Variants in ATP8A1 observed in about 807,000 individuals in gnomAD.
ATP8A1 encodes phospholipid-transporting ATPase IA.
ATP8A1 carries 90 observed loss-of-function variants against 177.7 expected under a neutral mutation model. The ratio of observed to expected loss-of-function variants is 0.51; its 90% CI spans 0.43 to 0.60. The LOEUF is 0.60. Ranked by LOEUF, ATP8A1 falls within the 20% of genes least tolerant of loss-of-function variation. The probability of loss-of-function intolerance (pLI) is 0.00; values close to 1 mark genes in which losing one functional copy is unlikely to be tolerated. For missense variants in ATP8A1, 1,072 were observed against 1,392.8 expected, an observed-to-expected ratio of 0.77 and a Z score of 3.67; for synonymous variants, 493 against 485.9, an observed-to-expected ratio of 1.01 and a Z score of -0.19.
intron 1 of ATP8A1, among the ~76,000 whole-genome samples, chr4:42,631,284 C>A (rs1038550540): frequency 1.6e-4 from 24 of 152,194 alleles, no homozygotes; most frequent in Non-Finnish European, 3.2e-4. Flanking sequence ...TAGTAATATA[C>A]TAGAAACAGA....
intron 1 of ATP8A1, among the ~76,000 whole-genome samples, chr4:42,645,034 G>A (rs957935860): frequency 5.9e-5 from 9 of 151,954 alleles, no homozygotes; most frequent in African/African-American, 2.2e-4. Flanking sequence ...AAAGCAAGCA[G>A]GTTACCAAAA....
chr4:42,448,401 C>CTTTTTTTTTTTTTTTTTTTTTTTTTTTTT (rs1226963744), intron 30 of ATP8A1, among the ~76,000 whole-genome samples: 1 of 99,558 alleles, frequency 1.0e-5, no homozygotes, highest in African/African-American at 3.5e-5. Context: ...TCTTTCTTTT[C>CTTTTTTTTTTTTTTTTTTTTTTTTTTTTT]TTTTTTTTTT....
chr4:42,582,584 C>T (rs1247609140), intron 9 of ATP8A1, among the ~76,000 whole-genome samples: 1 of 145,568 alleles, frequency 6.9e-6, no homozygotes, highest in African/African-American at 2.5e-5. Context: ...GATAAATACA[C>T]AGATCTCACC....
intron 10 of ATP8A1, among the ~76,000 whole-genome samples, chr4:42,580,680 T>C (rs1036862000): frequency 6.6e-6 from 1 of 152,190 alleles, no homozygotes; most frequent in Non-Finnish European, 1.5e-5. Context: ...GCTTGCCTAT[T>C]GATAATACCT....
At chr4:42,488,975 G>A (rs560100295) in intron 24 of ATP8A1, among the ~76,000 whole-genome samples, 14 of 152,202 alleles carry the variant, frequency 9.2e-5, no homozygotes, top group East Asian at 1.9e-4. Flanking sequence ...ATTTCATCCC[G>A]TTGGCAATGC....
chr4:42,570,753 T>A (rs1731823717), intron 14 of ATP8A1, among the ~76,000 whole-genome samples: 1 of 152,224 alleles, frequency 6.6e-6, no homozygotes, highest in Non-Finnish European at 1.5e-5. Context: ...TTTGCCTTTG[T>A]ATGTGCCAGT....
chr4:42,489,432 G>C (rs1008297409), intron 24 of ATP8A1, among the ~76,000 whole-genome samples: 1 of 152,114 alleles, frequency 6.6e-6, no homozygotes, highest in African/African-American at 2.4e-5. Context: ...GGTTTTGTTG[G>C]TGACTATCAC....
intron 33 of ATP8A1, among the ~76,000 whole-genome samples, chr4:42,434,044 T>A (rs148045714): frequency 4.1e-4 from 62 of 152,264 alleles, no homozygotes; most frequent in African/African-American, 1.3e-3. Flanking sequence ...AAATGTGCAG[T>A]TCTGAAACTA....
In ATP8A1 at chr4:42,636,156, A is replaced by ACGCGCGCGCGTGCGCGCGCG. The variant is rs1553920759; in HGVS notation, c.50-9048_50-9047insCGCGCGCGCACGCGCGCGCG. Among the ~76,000 whole-genome samples the ACGCGCGCGCGTGCGCGCGCG allele has an allele frequency of 1.9e-3, 169 of 90,954 alleles. 3 individuals carry two copies. Among genetic ancestry groups the ACGCGCGCGCGTGCGCGCGCG allele is most frequent in the Non-Finnish European group, 3.4e-3 (127 of 37,834 alleles). The allele number at this position is 90,954 out of a possible 152,430, so 59.7% of individuals were successfully genotyped here. A position where few individuals can be genotyped will look rare whatever the true frequency, so the allele number is the denominator to read the frequency against. On this transcript the variant is annotated intron_variant, in intron 1 of 36. Coordinates refer to ENST00000381668, the MANE Select transcript of ATP8A1 (RefSeq NM_006095.2). ...CACACACACACACACACACACACAC[A>ACGCGCGCGCGTGCGCGCGCG]CGCACACACACACACATAAGCTTCT...
At chr4:42,522,547 G>A (rs943622332) in intron 21 of ATP8A1, among the ~76,000 whole-genome samples, 2 of 152,098 alleles carry the variant, frequency 1.3e-5, no homozygotes, top group Non-Finnish European at 2.9e-5. Flanking sequence ...ATAGTGTGGC[G>A]TTTCTAAAAT....
At chr4:42,635,497 C>T (rs1296882924) in intron 1 of ATP8A1, among the ~76,000 whole-genome samples, 1 of 151,716 alleles carries the variant, frequency 6.6e-6, no homozygotes, top group East Asian at 1.9e-4. Context: ...AGCAGTCATG[C>T]TTGCAACAGT....
At chr4:42,437,608 G>A (rs566118444) in intron 33 of ATP8A1, among the ~76,000 whole-genome samples, 4 of 152,048 alleles carry the variant, frequency 2.6e-5, no homozygotes, top group South Asian at 4.2e-4. Context: ...CCTAACCCCC[G>A]ATATCGTAAT....
intron 20 of ATP8A1, among the ~76,000 whole-genome samples, chr4:42,526,508 G>A (rs1267121443): frequency 2.0e-5 from 3 of 152,066 alleles, no homozygotes; most frequent in African/African-American, 7.2e-5. Flanking sequence ...AGCTGCCTGC[G>A]AATATAAAGC....
At chr4:42,490,035 A>G (rs977657215) in intron 24 of ATP8A1, among the ~76,000 whole-genome samples, 1 of 152,102 alleles carries the variant, frequency 6.6e-6, no homozygotes, top group Non-Finnish European at 1.5e-5. Context: ...ATCTGGGGAG[A>G]TGGACAGGTA....
chr4:42,467,419 C>T (rs1454000788), intron 25 of ATP8A1, among the ~76,000 whole-genome samples: 1 of 152,212 alleles, frequency 6.6e-6, no homozygotes, highest in African/African-American at 2.4e-5. Context: ...ACTGGCTGGG[C>T]GTAGTGGCTC....
At chr4:42,589,329 A>C (rs1229728154) in intron 7 of ATP8A1, among the ~76,000 whole-genome samples, 1 of 152,230 alleles carries the variant, frequency 6.6e-6, no homozygotes, top group East Asian at 1.9e-4. Context: ...TCTTATAAGC[A>C]TGTGTACTCA....
intron 33 of ATP8A1, among the ~76,000 whole-genome samples, chr4:42,435,463 A>C (rs1228141885): frequency 3.4e-5 from 5 of 148,106 alleles, no homozygotes; most frequent in South Asian, 2.2e-4. Context: ...AAAAAAAAAA[A>C]CAAACTATCT....
chr4:42,423,556 G>T, intron 34 of ATP8A1, 61 bp downstream of exon 34: 1 of 1,203,932 alleles, frequency 8.3e-7, no homozygotes, highest in Non-Finnish European at 1.2e-6. Context: ...GTTACCAAGA[G>T]AGAAATCTGA....
At chr4:42,446,329 G>T (rs1279397774) in intron 31 of ATP8A1, among the ~76,000 whole-genome samples, 2 of 151,988 alleles carry the variant, frequency 1.3e-5, no homozygotes, top group Admixed American at 6.6e-5. Context: ...AGACCCCCCA[G>T]ATTTGGCAAA....
Sources: gnomAD v4.1 joint callset for allele counts (sites outside exome capture counted in the v4.1 genomes callset) on GRCh38, gnomAD v4.1.1 for gene constraint, MANE v1.5 for transcripts, NCBI Gene and HGNC (gene_info 2026-07-23, HGNC 2026-07-21) for gene names.